Variants in ANO6 observed in about 807,000 individuals in gnomAD.
ANO6 encodes the protein anoctamin 6, also known as anoctamin-6.
Under a neutral mutation model 117.5 loss-of-function variants are expected in ANO6, and 106 were observed. The ratio of observed to expected loss-of-function variants is 0.90; its 90% CI spans 0.77 to 1.06. ANO6 has a LOEUF of 1.06. Ranked by LOEUF, ANO6 falls within the 50% of genes least tolerant of loss-of-function variation. The pLI is 0.00. For missense variants in ANO6, 955 were observed against 1,121.1 expected (o/e 0.85, Z 2.12); for synonymous variants, 367 against 385.1 (o/e 0.95, Z 0.55).
At chr12:45,282,245 T>C (rs1938764266) in intron 1 of ANO6, among the ~76,000 whole-genome samples, 1 of 152,222 alleles carries the variant, frequency 6.6e-6, no homozygotes, top group Non-Finnish European at 1.5e-5. Flanking sequence ...AGATGTTGCA[T>C]AGGCAGTTGG....
intron 11 of ANO6, among the ~76,000 whole-genome samples, chr12:45,388,699 C>G (rs1040909371): frequency 2.0e-5 from 3 of 152,132 alleles, no homozygotes; most frequent in Non-Finnish European, 4.4e-5. Context: ...CTTATTCATC[C>G]TAGACCAGCT....
intron 1 of ANO6, chr12:45,292,790 T>A (rs897947405): frequency 2.7e-6 from 4 of 1,477,828 alleles, no homozygotes; most frequent in Non-Finnish European, 3.6e-6. Flanking sequence ...TTACTGAAAC[T>A]CTTCTCAGAA....
chr12:45,331,081 A>C (rs1156237205), intron 2 of ANO6, among the ~76,000 whole-genome samples: 4 of 151,872 alleles, frequency 2.6e-5, no homozygotes, highest in African/African-American at 9.7e-5. Flanking sequence ...TTTATAGAAT[A>C]ATGCTGTACT....
intron 9 of ANO6, 139 bp from the exon 10 acceptor site, chr12:45,377,914 A>G (rs1942071572): frequency 3.8e-6 from 3 of 794,752 alleles, no homozygotes; most frequent in South Asian, 1.5e-5. Context: ...TGAATGATGT[A>G]TGATCATAGA....
At chr12:45,407,628 G>C (rs1942976099) in intron 15 of ANO6, among the ~76,000 whole-genome samples, 1 of 152,042 alleles carries the variant, frequency 6.6e-6, no homozygotes, top group South Asian at 2.1e-4. Flanking sequence ...CACTGATCCA[G>C]GTGGCCTGGA....
At chr12:45,308,343 C>T (rs1939744140) in intron 2 of ANO6, among the ~76,000 whole-genome samples, 1 of 151,860 alleles carries the variant, frequency 6.6e-6, no homozygotes, top group South Asian at 2.1e-4. Context: ...CATATTGGGA[C>T]ACAGATGAAA....
chr12:45,298,920 A>G (rs1217332123), intron 1 of ANO6, among the ~76,000 whole-genome samples: 2 of 152,138 alleles, frequency 1.3e-5, no homozygotes, highest in African/African-American at 4.8e-5. Context: ...TAAATTGGGT[A>G]TCTAATCATC....
At chr12:45,302,125 T>C (rs1939514004) in intron 2 of ANO6, 32 bp downstream of exon 2, 2 of 1,589,088 alleles carry the variant, frequency 1.3e-6, no homozygotes, top group Non-Finnish European at 1.7e-6. Flanking sequence ...TAAATTTGTA[T>C]TCTTAAGCTA....
chr12:45,336,337 C>G (rs1940824163), intron 3 of ANO6, among the ~76,000 whole-genome samples: 2 of 151,934 alleles, frequency 1.3e-5, no homozygotes, highest in Non-Finnish European at 2.9e-5. Flanking sequence ...TAGTATAACT[C>G]AAAGCATTCA....
At chr12:45,415,744 C>G (rs1943197232) in intron 16 of ANO6, among the ~76,000 whole-genome samples, 1 of 152,192 alleles carries the variant, frequency 6.6e-6, no homozygotes, top group Non-Finnish European at 1.5e-5. Context: ...AATGCCAGCT[C>G]TGCTTGCCTC....
At chr12:45,379,752 C>G (rs1942122152) in intron 10 of ANO6, among the ~76,000 whole-genome samples, 1 of 152,130 alleles carries the variant, frequency 6.6e-6, no homozygotes, top group Admixed American at 6.5e-5. Context: ...ACTAGCTAAC[C>G]TTCCTTTCTC....
At chr12:45,299,725 GC>G (rs1367526532) in intron 1 of ANO6, among the ~76,000 whole-genome samples, 1 of 151,960 alleles carries the variant, frequency 6.6e-6, no homozygotes, top group East Asian at 1.9e-4. Flanking sequence ...GTAGTGGCAC[GC>G]CTGTAGTCCC....
At chr12:45,416,611 C>G in intron 16 of ANO6, 88 bp from the exon 17 acceptor site, 1 of 1,217,940 alleles carries the variant, frequency 8.2e-7, no homozygotes, top group Non-Finnish European at 1.2e-6. Context: ...GGATTTAGTT[C>G]GTTTGCCTTT....
At chr12:45,248,428 C>CTTTTT (rs35185612) in intron 1 of ANO6, among the ~76,000 whole-genome samples, 2 of 120,876 alleles carry the variant, frequency 1.7e-5, no homozygotes, top group African/African-American at 3.3e-5. Flanking sequence ...AAAAAGTAGA[C>CTTTTT]TTTTTTTTTT....
chr12:45,320,637 A>G (rs558769708), intron 2 of ANO6, among the ~76,000 whole-genome samples: 1 of 152,140 alleles, frequency 6.6e-6, no homozygotes, highest in East Asian at 1.9e-4. Context: ...TATTAGGTCC[A>G]CTTGGTGCAG....
chr12:45,390,150 C>T (rs562793867), intron 11 of ANO6, among the ~76,000 whole-genome samples: 1 of 152,310 alleles, frequency 6.6e-6, no homozygotes, highest in South Asian at 2.1e-4. Context: ...TTGGCACCAT[C>T]AGACACCCAG....
At chr12:45,335,892 A>G (rs904829465) in intron 3 of ANO6, among the ~76,000 whole-genome samples, 4 of 151,978 alleles carry the variant, frequency 2.6e-5, no homozygotes, top group Non-Finnish European at 4.4e-5. Context: ...TAGTTTTAGT[A>G]GTTTCTAATA....
At chr12:45,399,121 C>A (rs965368339) in intron 12 of ANO6, among the ~76,000 whole-genome samples, 5 of 152,286 alleles carry the variant, frequency 3.3e-5, no homozygotes, top group East Asian at 1.9e-4. Flanking sequence ...CTGGACACTT[C>A]CTTGTGGTAG....
Position 45,430,845 on chromosome 12 carries a change from C to T in ANO6, c.*1534C>T, listed in dbSNP as rs1236892388. 4 of 985,302 alleles carry T rather than the reference C, an allele frequency of 4.1e-6. No individual in the cohort carries two copies. The Admixed American group carries it at 2.5e-4, about 61-fold the overall frequency. The allele number at this position is 985,302 out of a possible 1,614,324, so 61.0% of individuals were successfully genotyped here. On this transcript the variant is annotated 3_prime_UTR_variant, in exon 20 of 20. Transcript: ENST00000320560. ...CAGGCCCTCTCACCCCTACTGGTAA[C>T]AGGTCATTGCTGGGTGCACAAGAGG...
Sources: allele counts gnomAD v4.1 joint callset (sites outside exome capture counted in the v4.1 genomes callset), GRCh38; gene constraint gnomAD v4.1.1; transcripts MANE v1.5; gene names NCBI Gene and HGNC (gene_info 2026-07-23, HGNC 2026-07-21).